Variants in AHNAK observed in about 807,000 individuals in gnomAD.
AHNAK encodes the protein neuroblast differentiation-associated protein AHNAK.
AHNAK carries 23 observed loss-of-function variants against 37.8 expected under a neutral mutation model. The observed-to-expected ratio is 0.61, with a 90% CI of 0.44 to 0.86. The LOEUF is 0.86. AHNAK is among the 40% of genes least tolerant of loss of function. The pLI, the probability that AHNAK is intolerant of heterozygous loss-of-function variation, is 0.00. For missense variants in AHNAK, 7,411 were observed against 7,319.4 expected (o/e 1.01, Z -0.46); for synonymous variants, 2,481 against 2,636.3 (o/e 0.94, Z 1.80).
Position 62,534,879 on chromosome 11 carries a change from G to T in AHNAK, c.342+124C>A, listed in dbSNP as rs1297945415. On this transcript the variant is annotated intron_variant, in intron 4 of 4. Transcript: ENST00000378024. Reference sequence around the variant, plus strand: ...CCAAGGGCTCAAGAGAGTGAAGACAGGTGAGAGGAGAAGAAGGAGCAAAAA... The same window carrying T: ...CCAAGGGCTCAAGAGAGTGAAGACATGTGAGAGGAGAAGAAGGAGCAAAAA... 15 of 1,014,464 alleles carry T rather than the reference G, an allele frequency of 1.5e-5. No homozygotes were observed. In the East Asian group the frequency reaches 3.7e-4, roughly 25 times the overall value. The allele number at this position is 1,014,464 out of a possible 1,614,324, so 62.8% of individuals were successfully genotyped here. A position where few individuals can be genotyped will look rare whatever the true frequency, so the allele number is the denominator to read the frequency against.
intron 4 of AHNAK, among the ~76,000 whole-genome samples, chr11:62,499,151 G>A (rs577395057): frequency 1.3e-5 from 2 of 152,336 alleles, no homozygotes; most frequent in Non-Finnish European, 1.5e-5. Context: ...GATGAACTCT[G>A]ACCATGTCTT....
Position 62,523,120 on chromosome 11 carries a change from G to A in AHNAK, c.11297C>T (p.Ser3766Phe), listed in dbSNP as rs1305028469. ...GAGGTCACCTTCCATTTTGGGCAGA[G>A]AAACATCCACATCGCCCTTGACTTT... ...GPKVKGDVDV[S>F]LPKMEGDLKG... The change falls in exon 5 of 5, where the codon TCT becomes TTT. Residue 3766 changes from serine to phenylalanine, a missense_variant. By Grantham distance (155) the Ser-to-Phe change is radical. Transcript: ENST00000378024. 1.1e-5 allele frequency: 17 copies of A among 1,613,926 alleles called. No homozygotes were observed. Among genetic ancestry groups the A allele is most frequent in the Non-Finnish European group, 1.4e-5 (16 of 1,180,018 alleles).
chr11:62,540,935 G>GT (rs928786444), intron 1 of AHNAK, among the ~76,000 whole-genome samples: 13 of 152,264 alleles, frequency 8.5e-5, no homozygotes, highest in African/African-American at 3.1e-4. Context: ...AGTAGACGCA[G>GT]AACTCCAGGA....
intron 5 of AHNAK, among the ~76,000 whole-genome samples, chr11:62,477,114 C>T (rs184169227): frequency 3.9e-4 from 59 of 152,232 alleles, no homozygotes; most frequent in African/African-American, 1.3e-3. Context: ...TCAGGCATCT[C>T]GACAACTTTT....
In AHNAK at chr11:62,530,316, A is replaced by C; in HGVS notation, c.4101T>G (p.Ser1367Arg). 1.2e-6 allele frequency: 2 copies of C among 1,613,146 alleles called. No individual in the cohort carries two copies. Among genetic ancestry groups the C allele is most frequent in the Non-Finnish European group, 1.7e-6 (2 of 1,179,834 alleles). The change falls in exon 5 of 5, where the codon AGT (serine) becomes AGG (arginine). Residue 1367 changes from serine (S) to arginine (R), a missense_variant. Coordinates refer to ENST00000378024, the MANE Select transcript of AHNAK (RefSeq NM_001620.3). ...VDIKGPKVDI[S>R]APDVDVHGPD... ...GGCCATGAACATCCACATCTGGAGC[A>C]CTAATGTCAACTTTGGGCCCTTTAA...
intron 5 of AHNAK, among the ~76,000 whole-genome samples, chr11:62,436,925 C>T (rs1159005353): frequency 2.2e-5 from 3 of 136,212 alleles, no homozygotes; most frequent in East Asian, 4.4e-4. Flanking sequence ...GGTGACTGAG[C>T]AAGACTCTGT....
intron 1 of AHNAK, among the ~76,000 whole-genome samples, chr11:62,538,908 TTA>T (rs1941037366): frequency 1.3e-5 from 2 of 152,178 alleles, no homozygotes; most frequent in Admixed American, 1.3e-4. Flanking sequence ...TCGTGGGCAC[TTA>T]GCAGTTCCTA....
At position 62,521,605 on chromosome 11, in the gene AHNAK, A is replaced by G. The variant is rs201152312; in HGVS notation, c.12812T>C (p.Val4271Ala). The change falls in exon 5 of 5, where the codon GTG (valine) becomes GCG (alanine). Residue 4271 changes from valine (V) to alanine (A), a missense_variant. By Grantham distance (64) the Val-to-Ala change is moderately conservative. Coordinates refer to ENST00000378024, the MANE Select transcript of AHNAK (RefSeq NM_001620.3). ...AAGGGAAACATCCACATCACCCTTC[A>G]CCTTGGGACCTTTCAGATGCAAATC... ...DFDLHLKGPK[V>A]KGDVDVSLPK... The G allele has an allele frequency of 2.1e-5, 34 of 1,610,664 alleles. No individual in the cohort carries two copies. The highest frequency in any genetic ancestry group is 6.8e-6 in the Non-Finnish European group (8 of 1,179,248).
chr11:62,470,479 G>A lies in AHNAK; in HGVS notation c.442+21253C>T, dbSNP rs142518783. On this transcript the variant is annotated intron_variant, in intron 5 of 5. Transcript: ENST00000257247. ...AAATTAGCTGGGCGTGGTGACACACGCCTATAGTCCTAGCTACTCGGGAGG... is the reference window on the plus strand; with the variant it reads ...AAATTAGCTGGGCGTGGTGACACACACCTATAGTCCTAGCTACTCGGGAGG... 3.8e-3 allele frequency among the ~76,000 whole-genome samples: 571 copies of A among 151,446 alleles called. 26 individuals carry two copies. In the East Asian group the frequency reaches 0.089, roughly 24 times the overall value.
rs1376075913 is a variant in AHNAK, at chr11:62,525,530, T to A, written c.8887A>T (p.Ile2963Phe). 3.7e-6 allele frequency: 6 copies of A among 1,613,860 alleles called. No individual in the cohort carries two copies. The highest frequency in any genetic ancestry group is 5.1e-6 in the Non-Finnish European group (6 of 1,179,998). Residue 2963 changes from isoleucine to phenylalanine, a missense_variant, in exon 5 of 5, where the codon ATC becomes TTC. Physicochemically the swap from Ile to Phe is conservative, Grantham distance 21. Coordinates refer to ENST00000378024, the MANE Select transcript of AHNAK (RefSeq NM_001620.3). ...TGCAAATCAAAGTCAGGCATGGGGA[T>A]CTTGGGGGCTTTGATATTCATCTCT... is the stretch of plus-strand genomic sequence containing the variant. ...MPEMNIKAPK[I>F]PMPDFDLHLK...
At position 62,531,369 on chromosome 11, in the gene AHNAK, T is replaced by A. The variant is rs777913034; in HGVS notation, c.3048A>T (p.Pro1016=). 1.9e-6 allele frequency: 3 copies of A among 1,614,196 alleles called. No homozygotes were observed. The South Asian group carries it at 3.3e-5, about 18-fold the overall frequency. The part of the protein sequence containing the change: ...FSMPSLKGEG[P]EFDVNLSKAN... Reference sequence around the variant, plus strand: ...CTTTGGACAGGTTCACATCAAATTCTGGCCCCTCTCCTTTGAGGCTGGGCA... The same window carrying A: ...CTTTGGACAGGTTCACATCAAATTCAGGCCCCTCTCCTTTGAGGCTGGGCA... The change falls in exon 5 of 5, where the codon CCA becomes CCT. Residue 1016 remains proline (P), a synonymous_variant. Transcript: ENST00000378024.
chr11:62,529,418 C>T lies in AHNAK; in HGVS notation c.4999G>A (p.Val1667Ile). The T allele has an allele frequency of 2.5e-6, 4 of 1,613,898 alleles. No homozygotes were observed. Among genetic ancestry groups the T allele is most frequent in the Non-Finnish European group, 3.4e-6 (4 of 1,179,966 alleles). Residue 1667 changes from valine (V) to isoleucine (I), a missense_variant, in exon 5 of 5, where the codon GTC (valine) becomes ATC (isoleucine). Val to Ile is a conservative substitution (Grantham distance 29). Coordinates refer to ENST00000378024, the MANE Select transcript of AHNAK (RefSeq NM_001620.3). Reference protein sequence around the residue: ...DVDLHLKGPKVKGDMDVSVPK... With the variant: ...DVDLHLKGPKIKGDMDVSVPK... ...ACAGACACATCCATATCCCCTTTGACTTTGGGGCCTTTCAAGTGTAAGTCC... is the reference window on the plus strand; with the variant it reads ...ACAGACACATCCATATCCCCTTTGATTTTGGGGCCTTTCAAGTGTAAGTCC...
chr11:62,516,985 C>T lies in AHNAK; in HGVS notation c.17432G>A (p.Gly5811Glu), dbSNP rs1178475961. The stretch of plus-strand genomic sequence containing the variant: ...CTTCCCGTGTTTCCCTTTAACTTTC[C>T]CACCTTCCAGAGACACTTCCCCACC... Reference protein sequence around the residue: ...FEGGEVSLEGGKVKGKHGKLK... With the variant: ...FEGGEVSLEGEKVKGKHGKLK... The change falls in exon 5 of 5, where the codon GGG (glycine) becomes GAG (glutamate). Residue 5811 changes from glycine (G) to glutamate (E), a missense_variant. Gly to Glu is a moderately conservative substitution (Grantham distance 98). Coordinates refer to ENST00000378024, the MANE Select transcript of AHNAK (RefSeq NM_001620.3). 4 of 1,614,174 alleles carry T rather than the reference C, an allele frequency of 2.5e-6. No individual in the cohort carries two copies. In the South Asian group the frequency reaches 3.3e-5, roughly 13 times the overall value.
At chr11:62,459,282 C>T (rs897764148) in intron 5 of AHNAK, among the ~76,000 whole-genome samples, 1 of 152,204 alleles carries the variant, frequency 6.6e-6, no homozygotes, top group African/African-American at 2.4e-5. Flanking sequence ...AGGGAACTGA[C>T]TCAGGGCACT....
At position 62,442,338 on chromosome 11, in the gene AHNAK, A is replaced by G. The variant is rs138026730; in HGVS notation, c.443-8447T>C. The stretch of plus-strand genomic sequence containing the variant: ...TGAAGCGGGCAGATTGCTTGAGCCC[A>G]GGAGTTCAAGACCATCTTGGGCAGC... On this transcript the variant is annotated intron_variant, in intron 5 of 5. Coordinates refer to the AHNAK transcript ENST00000257247. Among the ~76,000 whole-genome samples the G allele has an allele frequency of 8.8e-4, 134 of 152,256 alleles. 1 individual carries two copies. The East Asian group carries it at 0.014, about 16-fold the overall frequency.
chr11:62,506,638 G>A (rs1939817223), intron 4 of AHNAK, among the ~76,000 whole-genome samples: 2 of 152,224 alleles, frequency 1.3e-5, no homozygotes, highest in South Asian at 4.1e-4. Flanking sequence ...GCAGCAGGAC[G>A]CCATGGGCTT....
Position 62,533,565 on chromosome 11 carries a change from A to C in AHNAK, c.852T>G (p.Leu284=). 1 of 1,613,940 alleles carries C rather than the reference A, an allele frequency of 6.2e-7. No homozygotes were observed. The highest frequency in any genetic ancestry group is 8.5e-7 in the Non-Finnish European group (1 of 1,179,964). The change falls in exon 5 of 5, where the codon CTT becomes CTG. Residue 284 remains leucine, a synonymous_variant. Transcript: ENST00000378024. The stretch of plus-strand genomic sequence containing the variant: ...CCTGTACCTCTACTGCCCTACCCCC[A>C]AGAGAAGATGAAATGTCCACTGCTG... ...QVPAVDISSS[L]GGRAVEVQGP... is the part of the protein sequence containing the mutation.
chr11:62,528,146 C>T lies in AHNAK; in HGVS notation c.6271G>A (p.Val2091Met), dbSNP rs1180722817. The T allele has an allele frequency of 2.3e-5, 37 of 1,613,130 alleles. No individual in the cohort carries two copies. The highest frequency in any genetic ancestry group is 2.7e-5 in the African/African-American group (2 of 74,614). ...GPKVDVEVPD[V>M]SLEGPEGKLK... ...TTCCCTTCTGGACCTTCAAGGCTCA[C>T]ATCTGGGACTTCAACATCCACCTTG... is the stretch of plus-strand genomic sequence containing the variant. The change falls in exon 5 of 5, where the codon GTG becomes ATG. Residue 2091 changes from valine to methionine, a missense_variant. Coordinates refer to ENST00000378024, the MANE Select transcript of AHNAK (RefSeq NM_001620.3).
At chr11:62,535,913 C>A in intron 3 of AHNAK, 32 bp downstream of exon 3, 2 of 1,591,558 alleles carry the variant, frequency 1.3e-6, no homozygotes, top group Non-Finnish European at 1.7e-6. Context: ...CCCCAACCAC[C>A]AGCACCCAGT....
Sources: gnomAD v4.1 joint callset for allele counts (sites outside exome capture counted in the v4.1 genomes callset) on GRCh38, gnomAD v4.1.1 for gene constraint, MANE v1.5 for transcripts, NCBI Gene and HGNC (gene_info 2026-07-23, HGNC 2026-07-21) for gene names.